Variants in GUCY1A2 observed in about 807,000 individuals in gnomAD.
The protein encoded by GUCY1A2 is guanylate cyclase 1 soluble subunit alpha 2, also known as guanylate cyclase soluble subunit alpha-2.
A neutral mutation model predicts 63.5 loss-of-function variants in GUCY1A2; 27 were observed. The ratio of observed to expected loss-of-function variants is 0.43; its 90% CI spans 0.31 to 0.59. The LOEUF (loss-of-function observed/expected upper bound fraction) is 0.59. Ranked by LOEUF, GUCY1A2 falls within the 20% of genes least tolerant of loss-of-function variation. The pLI is 0.11. For missense variants in GUCY1A2, 768 were observed against 913.3 expected (o/e 0.84, Z 2.05); for synonymous variants, 364 against 343.5 (o/e 1.06, Z -0.66).
chr11:106,826,244 T>C (rs1397843852), intron 4 of GUCY1A2: 9 of 657,720 alleles, frequency 1.4e-5, no homozygotes, highest in South Asian at 2.1e-5. Context: ...TTAGAATTTA[T>C]GTTTTTATAT....
chr11:107,014,079 C>CTTTTTTT (rs71044206), intron 1 of GUCY1A2, among the ~76,000 whole-genome samples: 22 of 70,024 alleles, frequency 3.1e-4, no homozygotes, highest in Non-Finnish European at 5.1e-4. Context: ...CCATGTTTTC[C>CTTTTTTT]TTTTTTTTTT....
chr11:106,896,212 G>GA (rs1403532026), intron 4 of GUCY1A2, among the ~76,000 whole-genome samples: 36 of 151,630 alleles, frequency 2.4e-4, no homozygotes, highest in Admixed American at 6.6e-5. Context: ...GGCTAAAGAA[G>GA]AAAAACATCA....
chr11:106,775,227 A>C (rs888783788), intron 6 of GUCY1A2, among the ~76,000 whole-genome samples: 4 of 152,200 alleles, frequency 2.6e-5, no homozygotes, highest in Non-Finnish European at 5.9e-5. Context: ...GGTCAGGTCA[A>C]AAATTTACAA....
At chr11:106,774,292 T>C (rs4512789) in intron 6 of GUCY1A2, among the ~76,000 whole-genome samples, 113,805 of 151,872 alleles carry the variant, frequency 0.75, 43,158 homozygotes, top group African/African-American at 0.84. Context: ...CCACCACACC[T>C]GGCTAATTTT....
chr11:106,752,517 C>T (rs187984700), intron 6 of GUCY1A2, among the ~76,000 whole-genome samples: 14 of 152,170 alleles, frequency 9.2e-5, no homozygotes, highest in Non-Finnish European at 1.6e-4. Flanking sequence ...CCCCAAGCCC[C>T]GACCCCCCAG....
Position 106,923,570 on chromosome 11 carries a change from T to C in GUCY1A2, c.1206+15890A>G, listed in dbSNP as rs1435333775. On this transcript the variant is annotated intron_variant, in intron 4 of 7. Transcript: ENST00000526355. Reference sequence around the variant, plus strand: ...AATATGACATTATGTACAAGTTTAATGCAATATTGCAGCAATTTTTTTTAA... The same window carrying C: ...AATATGACATTATGTACAAGTTTAACGCAATATTGCAGCAATTTTTTTTAA... Among the ~76,000 whole-genome samples, 8 of 151,920 alleles carry C rather than the reference T, an allele frequency of 5.3e-5. No individual in the cohort carries two copies. The East Asian group carries it at 1.6e-3, about 30-fold the overall frequency.
intron 1 of GUCY1A2, among the ~76,000 whole-genome samples, chr11:106,990,608 C>G (rs991961691): frequency 6.6e-6 from 1 of 152,210 alleles, no homozygotes; most frequent in Non-Finnish European, 1.5e-5. Context: ...TGTGCGCGCA[C>G]GCGCAGCGTG....
At chr11:106,936,182 T>C (rs769151436) in intron 4 of GUCY1A2, among the ~76,000 whole-genome samples, 16 of 152,314 alleles carry the variant, frequency 1.1e-4, no homozygotes, top group Middle Eastern at 3.4e-3. Context: ...TTGTAATCTA[T>C]ATCAGTAGGT....
intron 4 of GUCY1A2, among the ~76,000 whole-genome samples, chr11:106,880,988 GC>G (rs1325252715): frequency 2.0e-5 from 3 of 152,082 alleles, no homozygotes; most frequent in African/African-American, 4.8e-5. Context: ...CAGGACTAAA[GC>G]TTCTGTGGAC....
intron 5 of GUCY1A2, among the ~76,000 whole-genome samples, chr11:106,802,937 A>G (rs1858630774): frequency 6.6e-6 from 1 of 152,176 alleles, no homozygotes; most frequent in East Asian, 1.9e-4. Context: ...GTTTGTAAAA[A>G]TCAAAAACAC....
intron 6 of GUCY1A2, among the ~76,000 whole-genome samples, chr11:106,721,599 T>C (rs1403409001): frequency 6.6e-6 from 1 of 152,216 alleles, no homozygotes; most frequent in African/African-American, 2.4e-5. Flanking sequence ...ATGGCGCTCA[T>C]GTTCATTTTA....
At chr11:106,857,892 A>G (rs890421335) in intron 4 of GUCY1A2, among the ~76,000 whole-genome samples, 12 of 152,230 alleles carry the variant, frequency 7.9e-5, no homozygotes, top group Admixed American at 5.9e-4. Context: ...ATTTTATATC[A>G]GGAACTTGAG....
intron 7 of GUCY1A2, among the ~76,000 whole-genome samples, chr11:106,705,297 A>AAAAC (rs2135346592): frequency 6.6e-6 from 1 of 152,264 alleles, no homozygotes; most frequent in African/African-American, 2.4e-5. Flanking sequence ...TTTGTTAATA[A>AAAAC]AAACACATAG....
intron 4 of GUCY1A2, among the ~76,000 whole-genome samples, chr11:106,867,463 T>C (rs1859610904): frequency 1.3e-5 from 2 of 152,050 alleles, no homozygotes; most frequent in African/African-American, 4.8e-5. Flanking sequence ...TTGAGACTAG[T>C]TGAAAAGCCA....
chr11:106,762,249 G>A (rs776707410), intron 6 of GUCY1A2, among the ~76,000 whole-genome samples: 10 of 151,996 alleles, frequency 6.6e-5, no homozygotes, highest in Non-Finnish European at 1.5e-4. Flanking sequence ...TATATGTGAG[G>A]TAAAAGACAT....
intron 6 of GUCY1A2, among the ~76,000 whole-genome samples, chr11:106,728,267 G>T (rs150081441): frequency 1.4e-4 from 22 of 152,122 alleles, no homozygotes; most frequent in Admixed American, 1.4e-3. Context: ...CAACTTCTCA[G>T]CAAACGATCT....
At chr11:107,012,732 CAAATGTGA>C (rs1447629502) in intron 1 of GUCY1A2, among the ~76,000 whole-genome samples, 2 of 152,148 alleles carry the variant, frequency 1.3e-5, no homozygotes, top group Admixed American at 1.3e-4. Context: ...CTATTTTCAA[CAAATGTGA>C]AAACATTAAA....
At position 106,855,502 on chromosome 11, in the gene GUCY1A2, C is replaced by T. The variant is rs529292151; in HGVS notation, c.1207-45024G>A. Among the ~76,000 whole-genome samples, 13 of 152,120 alleles carry T rather than the reference C, an allele frequency of 8.5e-5. No homozygotes were observed. The South Asian group carries it at 2.3e-3, about 27-fold the overall frequency. Reference sequence around the variant, plus strand: ...CTTTTTTTTGTGGAGGAGGTGACTGCGGGATACTTCTAGTCAGCCACCTTG... The same window carrying T: ...CTTTTTTTTGTGGAGGAGGTGACTGTGGGATACTTCTAGTCAGCCACCTTG... On this transcript the variant is annotated intron_variant, in intron 4 of 7. Coordinates refer to ENST00000526355, the MANE Select transcript of GUCY1A2 (RefSeq NM_000855.3).
At chr11:106,792,637 T>C (rs909040606) in intron 5 of GUCY1A2, among the ~76,000 whole-genome samples, 5 of 149,876 alleles carry the variant, frequency 3.3e-5, no homozygotes, top group Non-Finnish European at 5.9e-5. Context: ...GCATCACAAA[T>C]GACAAGCCCA....
Sources: allele counts gnomAD v4.1 joint callset (sites outside exome capture counted in the v4.1 genomes callset), GRCh38; gene constraint gnomAD v4.1.1; transcripts MANE v1.5; gene names NCBI Gene and HGNC (gene_info 2026-07-23, HGNC 2026-07-21).